The following LIG3 variants were observed in gnomAD, a reference collection of about 807,000 sequenced individuals.
LIG3 encodes ligase II, DNA, ATP-dependent.
Under a neutral mutation model 110.9 loss-of-function variants are expected in LIG3, and 58 were observed. The observed-to-expected ratio is 0.52, with a 90% CI of 0.42 to 0.65. The LOEUF is 0.65. LIG3 is among the 30% of genes least tolerant of loss of function. LIG3 has a pLI of 0.00. For synonymous variants in LIG3, 422 were observed against 472.8 expected, an observed-to-expected ratio of 0.89 and a Z score of 1.39; for missense variants, 1,094 against 1,273.8, an observed-to-expected ratio of 0.86 and a Z score of 2.15.
chr17:34,994,523 G>A (rs2090758850), intron 9 of LIG3, 92 bp downstream of exon 9: 4 of 1,292,178 alleles, frequency 3.1e-6, no homozygotes, highest in Non-Finnish European at 4.3e-6. Flanking sequence ...TCCAGCTGTG[G>A]TACACAATAA....
At position 34,999,367 on chromosome 17, in the gene LIG3, C is replaced by G; in HGVS notation, c.2174C>G (p.Thr725Arg). ...CYDPGSQKWC[T>R]VTKCAGGHDD... ...GACCCTGGCAGCCAGAAGTGGTGCA[C>G]AGTCACCAAGTGTGCAGGAGGCCAT... The change falls in exon 15 of 20, where the codon ACA becomes AGA. Residue 725 changes from threonine to arginine, a missense_variant. Coordinates refer to ENST00000378526, the MANE Select transcript of LIG3 (RefSeq NM_013975.4). 1 of 1,614,090 alleles carries G rather than the reference C, an allele frequency of 6.2e-7. No homozygotes were observed. The highest frequency in any genetic ancestry group is 8.5e-7 in the Non-Finnish European group (1 of 1,179,966).
At chr17:34,988,368 A>G (rs1354333176) in intron 3 of LIG3, among the ~76,000 whole-genome samples, 2 of 152,048 alleles carry the variant, frequency 1.3e-5, no homozygotes, top group African/African-American at 2.4e-5. Flanking sequence ...AGTTCTTGCA[A>G]CCTGGTTGAA....
At chr17:34,990,759 A>G (rs553037896) in intron 4 of LIG3, among the ~76,000 whole-genome samples, 30 of 152,216 alleles carry the variant, frequency 2.0e-4, no homozygotes, top group African/African-American at 6.7e-4. Flanking sequence ...CACCATGTCC[A>G]GCTAATTTTT....
At chr17:34,988,650 AT>A (rs908685324) in intron 3 of LIG3, among the ~76,000 whole-genome samples, 10 of 149,556 alleles carry the variant, frequency 6.7e-5, no homozygotes, top group African/African-American at 1.5e-4. Context: ...AAAATGTATT[AT>A]TTTTTTTTTA....
At position 34,998,291 on chromosome 17, in the gene LIG3, G is replaced by A. The variant is rs745404887; in HGVS notation, c.1984G>A (p.Val662Met). The A allele has an allele frequency of 1.2e-6, 2 of 1,612,956 alleles. No individual in the cohort carries two copies. The highest frequency in any genetic ancestry group is 1.7e-6 in the Non-Finnish European group (2 of 1,179,430). The change falls in exon 13 of 20, where the codon GTG (valine) becomes ATG (methionine). Residue 662 changes from valine (V) to methionine (M), a missense_variant. Transcript: ENST00000378526. The part of the protein sequence containing the change: ...EGLEGLVLKD[V>M]KGTYEPGKRH... ...ATTGGAGGGGCTGGTGCTGAAGGAT[G>A]TGAAGGTAAAGTGGCCTCGCTTGGC... is the stretch of plus-strand genomic sequence containing the variant.
Position 35,002,287 on chromosome 17 carries a change from A to T in LIG3, c.2674+183A>T, listed in dbSNP as rs565922590. On this transcript the variant is annotated intron_variant, in intron 18 of 19. Coordinates refer to ENST00000378526, the MANE Select transcript of LIG3 (RefSeq NM_013975.4). ...TGGGCCAGAGACCCTTCTGCTGGGC[A>T]CCCTGTATCTGCTCAGCAAACCTGA... is the stretch of plus-strand genomic sequence containing the variant. Among the ~76,000 whole-genome samples, 13 of 152,066 alleles carry T rather than the reference A, an allele frequency of 8.5e-5. No individual in the cohort carries two copies. The East Asian group carries it at 2.5e-3, about 30-fold the overall frequency.
At chr17:34,983,651 T>C in intron 2 of LIG3, 99 bp downstream of exon 2, 1 of 1,184,620 alleles carries the variant, frequency 8.4e-7, no homozygotes, top group Non-Finnish European at 1.2e-6. Context: ...ACTTTGCTCT[T>C]TTAGAGATGG....
intron 2 of LIG3, among the ~76,000 whole-genome samples, chr17:34,983,779 G>A (rs956230869): frequency 6.6e-5 from 10 of 152,170 alleles, no homozygotes; most frequent in Admixed American, 5.9e-4. Context: ...GATTACAGGC[G>A]CATGCCACCA....
intron 3 of LIG3, among the ~76,000 whole-genome samples, chr17:34,988,270 C>A (rs2090680685): frequency 1.3e-5 from 2 of 150,918 alleles, no homozygotes; most frequent in South Asian, 2.1e-4. Context: ...AGAGAAGAGT[C>A]CAGGTGATGA....
At chr17:35,010,707 G>A (rs894920712), downstream of LIG3, 6 of 146,838 alleles carry the variant, frequency 4.1e-5, no homozygotes, top group Non-Finnish European at 8.9e-5. Flanking sequence ...AGCCAAGACT[G>A]TACCACTGCA....
rs931878808 is a variant in LIG3 at position 34,996,141 on chromosome 17, G to C, written c.1689G>C (p.Leu563=). The change falls in exon 10 of 20, where the codon CTG becomes CTC. Residue 563 remains leucine (L), a synonymous_variant. Transcript: ENST00000378526. ...TGATCTTGGATTCTGAAGTGCTTCTGATTGACAACAAGACAGGCAAACCAC... is the reference window on the plus strand; with the variant it reads ...TGATCTTGGATTCTGAAGTGCTTCTCATTGACAACAAGACAGGCAAACCAC... ...HSMILDSEVL[L]IDNKTGKPLP... is the part of the protein sequence containing the mutation. The C allele has an allele frequency of 8.7e-6, 14 of 1,614,164 alleles. No individual in the cohort carries two copies. Among genetic ancestry groups the C allele is most frequent in the Non-Finnish European group, 6.8e-6 (8 of 1,180,030 alleles).
intron 8 of LIG3, 113 bp from the exon 9 acceptor site, chr17:34,994,163 C>A: frequency 2.2e-6 from 2 of 923,430 alleles, no homozygotes; most frequent in Non-Finnish European, 3.2e-6. Flanking sequence ...TGTGGGCAGT[C>A]AGTCCCAAGA....
intron 19 of LIG3, chr17:35,003,104 A>G (rs895579675): frequency 3.1e-6 from 5 of 1,610,998 alleles, no homozygotes; most frequent in African/African-American, 2.7e-5. Context: ...GCTGGCCCCA[A>G]GTCAAAATTT....
rs991652231 is a variant in LIG3, at chr17:35,009,263, C to T, written c.*4757C>T. The T allele has an allele frequency of 1.3e-5, 2 of 152,530 alleles. No individual in the cohort carries two copies. The highest frequency in any genetic ancestry group is 2.9e-5 in the Non-Finnish European group (2 of 68,028). The allele number at this position is 152,530 out of a possible 1,614,324, so 9.4% of individuals were successfully genotyped here. A position where few individuals can be genotyped will look rare whatever the true frequency, so the allele number is the denominator to read the frequency against. On this transcript the variant is annotated 3_prime_UTR_variant, in exon 20 of 20. Transcript: ENST00000378526. Reference sequence around the variant, plus strand: ...ACAATTCACATCCAAGAGATTTCCACAAATTTATACAATGTATATTGAGCA... The same window carrying T: ...ACAATTCACATCCAAGAGATTTCCATAAATTTATACAATGTATATTGAGCA...
Position 34,999,390 on chromosome 17 carries a change from CATG to C in LIG3, c.2204_2206del (p.Asp735del). The stretch of plus-strand genomic sequence containing the variant: ...CACAGTCACCAAGTGTGCAGGAGGC[CATG>C]ATGATGCCACGCTTGCCCGCCTGCA... On this transcript the variant is annotated inframe_deletion, in exon 15 of 20. Transcript: ENST00000378526. The C allele has an allele frequency of 5.6e-6, 9 of 1,614,124 alleles. No individual in the cohort carries two copies. The highest frequency in any genetic ancestry group is 7.6e-6 in the Non-Finnish European group (9 of 1,179,988).
chr17:34,983,597 A>C (rs781254512), intron 2 of LIG3, 45 bp downstream of exon 2: 2 of 1,535,560 alleles, frequency 1.3e-6, no homozygotes, highest in African/African-American at 2.8e-5. Flanking sequence ...GTGCTGAGAG[A>C]AAAAGGGATA....
At chr17:35,001,630 GC>G (rs1183913647) in intron 17 of LIG3, among the ~76,000 whole-genome samples, 2 of 152,126 alleles carry the variant, frequency 1.3e-5, no homozygotes, top group African/African-American at 2.4e-5. Flanking sequence ...CATTTGCAAG[GC>G]CCCACTGAGC....
intron 3 of LIG3, among the ~76,000 whole-genome samples, chr17:34,986,468 C>T (rs1567686316): frequency 6.6e-6 from 1 of 152,052 alleles, no homozygotes; most frequent in South Asian, 2.1e-4. Flanking sequence ...ATTACAGGCA[C>T]CTGCCACCAT....
chr17:35,004,657 A>T lies in LIG3; in HGVS notation c.*151A>T. The T allele has an allele frequency of 3.2e-6, 2 of 628,004 alleles. No individual in the cohort carries two copies. The highest frequency in any genetic ancestry group is 4.0e-5 in the South Asian group (2 of 49,672). 38.9% of individuals were successfully genotyped at this position (628,004 alleles called of 1,614,324 possible). A position where few individuals can be genotyped will look rare whatever the true frequency, so the allele number is the denominator to read the frequency against. Reference sequence around the variant, plus strand: ...CTCCACTGTCTCTTCTGGACCAGGAATTAGTTGCTGTGGGTGCCACAGCTG... The same window carrying T: ...CTCCACTGTCTCTTCTGGACCAGGATTTAGTTGCTGTGGGTGCCACAGCTG... On this transcript the variant is annotated 3_prime_UTR_variant, in exon 20 of 20. Coordinates refer to ENST00000378526, the MANE Select transcript of LIG3 (RefSeq NM_013975.4).
Sources: gnomAD v4.1 joint callset for allele counts (sites outside exome capture counted in the v4.1 genomes callset) on GRCh38, gnomAD v4.1.1 for gene constraint, MANE v1.5 for transcripts, NCBI Gene and HGNC (gene_info 2026-07-23, HGNC 2026-07-21) for gene names.